RTN4RL2: variants seen among roughly 807,000 people sequenced by gnomAD.
RTN4RL2 encodes reticulon-4 receptor-like 2.
A neutral mutation model predicts 27.8 loss-of-function variants in RTN4RL2; 9 were observed. The ratio of observed to expected loss-of-function variants is 0.32; its 90% confidence interval spans 0.20 to 0.57. The LOEUF is 0.57. Ranked by LOEUF, RTN4RL2 falls within the 20% of genes least tolerant of loss-of-function variation. RTN4RL2 has a pLI of 0.90. For synonymous variants in RTN4RL2, 285 were observed against 297.9 expected (o/e 0.96, Z 0.45); for missense variants, 436 against 596.8 (o/e 0.73, Z 2.81).
In RTN4RL2 at chr11:57,460,830, C is replaced by A. The variant is rs751036102; in HGVS notation, c.-36C>A. Reference sequence around the variant, plus strand: ...CTCAGGGAGCGAGTGGGAGCGCCCTCCCCCCGCTGCCCCCTCCCCCGAGCA... The same window carrying A: ...CTCAGGGAGCGAGTGGGAGCGCCCTACCCCCGCTGCCCCCTCCCCCGAGCA... On this transcript the variant is annotated 5_prime_UTR_variant, in exon 1 of 3. Transcript: ENST00000335099. 1.5e-6 allele frequency: 2 copies of A among 1,345,692 alleles called. No individual in the cohort carries two copies. Among genetic ancestry groups the A allele is most frequent in the South Asian group, 3.1e-5 (2 of 64,442 alleles). The allele number at this position is 1,345,692 out of a possible 1,614,324, so 83.4% of individuals were successfully genotyped here.
At chr11:57,461,574 CG>C (rs1445475340) in intron 1 of RTN4RL2, among the ~76,000 whole-genome samples, 1 of 150,712 alleles carries the variant, frequency 6.6e-6, no homozygotes, top group Non-Finnish European at 1.5e-5. Flanking sequence ...ATGGGAAAAG[CG>C]TGGAGGGAAG....
At chr11:57,470,380 T>G (rs1565115764) in intron 2 of RTN4RL2, among the ~76,000 whole-genome samples, 1 of 152,104 alleles carries the variant, frequency 6.6e-6, no homozygotes, top group Non-Finnish European at 1.5e-5. Context: ...CCTGAGTAAC[T>G]AAGATTACAG....
At chr11:57,462,099 G>A (rs1355706539) in intron 1 of RTN4RL2, among the ~76,000 whole-genome samples, 1 of 152,014 alleles carries the variant, frequency 6.6e-6, no homozygotes, top group East Asian at 1.9e-4. Flanking sequence ...ACTTTGGAAG[G>A]GGAGTGACAG....
intron 2 of RTN4RL2, chr11:57,468,995 G>C (rs1444543800): frequency 2.3e-5 from 15 of 651,390 alleles, no homozygotes; most frequent in Non-Finnish European, 3.3e-5. Flanking sequence ...CTTGGCTACA[G>C]AGCCTCCGGC....
In RTN4RL2 at chr11:57,467,318, C is replaced by T. The variant is rs1392960179; in HGVS notation, c.32-291C>T. Among the ~76,000 whole-genome samples, 1 of 152,132 alleles carries T rather than the reference C, an allele frequency of 6.6e-6. No homozygotes were observed. The highest frequency in any genetic ancestry group is 1.5e-5 in the Non-Finnish European group (1 of 68,038). The stretch of plus-strand genomic sequence containing the variant: ...CTCAAACTCCTGGGTTCAAGCGATC[C>T]TCCTGCCTCAGCCTCCCAAGTAGTT... On this transcript the variant is annotated intron_variant, in intron 1 of 2. Coordinates refer to ENST00000335099, the MANE Select transcript of RTN4RL2 (RefSeq NM_178570.3). This position sits in a 1 kb window ranked among gnomAD's most constrained non-coding sequence, Gnocchi z 5.5.
rs577323495 is a variant in RTN4RL2, at chr11:57,477,047, G to A, written c.*136G>A. 1 of 901,082 alleles carries A rather than the reference G, an allele frequency of 1.1e-6. No individual in the cohort carries two copies. The highest frequency in any genetic ancestry group is 1.9e-5 in the South Asian group (1 of 53,210). The allele number at this position is 901,082 out of a possible 1,614,324, so 55.8% of individuals were successfully genotyped here. On this transcript the variant is annotated 3_prime_UTR_variant, in exon 3 of 3. Transcript: ENST00000335099. ...TCCCCTCCCAGCTCCTCTCCTCCCC[G>A]GGGAGCAGGCCGCCTCTCCTTGCCT...
intron 2 of RTN4RL2, among the ~76,000 whole-genome samples, chr11:57,470,969 C>G (rs535574834): frequency 6.6e-5 from 10 of 151,946 alleles, no homozygotes; most frequent in Middle Eastern, 3.4e-3. Context: ...GGTGTGGTGG[C>G]CCATGTCTGC....
chr11:57,477,193 A>G lies in RTN4RL2; in HGVS notation c.*282A>G, dbSNP rs552254283. The G allele has an allele frequency of 1.2e-4, 44 of 372,264 alleles. No homozygotes were observed. The highest frequency in any genetic ancestry group is 1.8e-4 in the Non-Finnish European group (38 of 208,534). 23.1% of individuals were successfully genotyped at this position (372,264 alleles called of 1,614,324 possible). A position where few individuals can be genotyped will look rare whatever the true frequency, so the allele number is the denominator to read the frequency against. ...TCCCAAGGCTGGGGTGGGGCCCCCC[A>G]GGCAGCCGCTGACCCGCACTCCTAA... is the stretch of plus-strand genomic sequence containing the variant. On this transcript the variant is annotated 3_prime_UTR_variant, in exon 3 of 3. Coordinates refer to ENST00000335099, the MANE Select transcript of RTN4RL2 (RefSeq NM_178570.3).
At chr11:57,475,119 T>G (rs1308850150) in intron 2 of RTN4RL2, among the ~76,000 whole-genome samples, 4 of 152,206 alleles carry the variant, frequency 2.6e-5, no homozygotes, top group African/African-American at 9.7e-5. Context: ...CACCATTTAT[T>G]GATGGTTGAC....
chr11:57,466,475 G>GA (rs1943525890), intron 1 of RTN4RL2, among the ~76,000 whole-genome samples: 1 of 151,918 alleles, frequency 6.6e-6, no homozygotes, highest in Non-Finnish European at 1.5e-5. Context: ...GTCTCCAAAA[G>GA]AAAAAAAGAA....
At chr11:57,468,683 C>G (rs1590732096) in intron 2 of RTN4RL2, 2 of 1,536,244 alleles carry the variant, frequency 1.3e-6, no homozygotes, top group South Asian at 1.2e-5. Context: ...GAAAGTTGCG[C>G]TTCTCTCCAA....
Position 57,476,598 on chromosome 11 carries a change from G to T in RTN4RL2, c.950G>T (p.Arg317Leu). The change falls in exon 3 of 3, where the codon CGG (arginine) becomes CTG (leucine). Residue 317 changes from arginine to leucine, a missense_variant. Coordinates refer to ENST00000335099, the MANE Select transcript of RTN4RL2 (RefSeq NM_178570.3). The surrounding 1 kb of genome is among the most constrained non-coding windows in gnomAD (Gnocchi z 8.2). ...GCGTGTCCGCCCGCGGCACCCACGC[G>T]GCCGGGCAGCCGCGCCCGCGGCAAC... is the stretch of plus-strand genomic sequence containing the variant. ...FQACPPAAPT[R>L]PGSRARGNSS... 1 of 1,401,288 alleles carries T rather than the reference G, an allele frequency of 7.1e-7. No individual in the cohort carries two copies. The highest frequency in any genetic ancestry group is 1.6e-5 in the South Asian group (1 of 63,372). The allele number at this position is 1,401,288 out of a possible 1,614,324, so 86.8% of individuals were successfully genotyped here.
At chr11:57,465,990 ATTTTTTTTTTTTTTT>A (rs35174184) in intron 1 of RTN4RL2, among the ~76,000 whole-genome samples, 3 of 77,900 alleles carry the variant, frequency 3.9e-5, no homozygotes, top group African/African-American at 5.6e-5. Flanking sequence ...CATGCCTACA[ATTTTTTTTTTTTTTT>A]TTTTTTTTTT....
chr11:57,476,191 G>A lies in RTN4RL2; in HGVS notation c.543G>A (p.Leu181=), dbSNP rs761802303. 4 of 1,609,790 alleles carry A rather than the reference G, an allele frequency of 2.5e-6. No homozygotes were observed. Among genetic ancestry groups the A allele is most frequent in the Admixed American group, 3.4e-5 (2 of 59,696 alleles). The stretch of plus-strand genomic sequence containing the variant: ...ACTTGTTCGCGGACCTGGCCAACCT[G>A]AGCCACCTCTTCCTCCACGGGAACC... The part of the protein sequence containing the change: ...QDDLFADLAN[L]SHLFLHGNRL... The change falls in exon 3 of 3, where the codon CTG becomes CTA. Residue 181 remains leucine, a synonymous_variant. Transcript: ENST00000335099. This position sits in a 1 kb window ranked among gnomAD's most constrained non-coding sequence, Gnocchi z 8.2.
chr11:57,477,022 T>G lies in RTN4RL2; in HGVS notation c.*111T>G. ...CTTCCCTGGCCTTGCTGCCTCCCTT[T>G]CCCCTCCCAGCTCCTCTCCTCCCCG... On this transcript the variant is annotated 3_prime_UTR_variant, in exon 3 of 3. Transcript: ENST00000335099. The G allele has an allele frequency of 8.9e-7, 1 of 1,119,638 alleles. No individual in the cohort carries two copies. The allele number at this position is 1,119,638 out of a possible 1,614,324, so 69.4% of individuals were successfully genotyped here.
At chr11:57,470,387 A>G (rs1280824781) in intron 2 of RTN4RL2, among the ~76,000 whole-genome samples, 1 of 152,068 alleles carries the variant, frequency 6.6e-6, no homozygotes, top group Admixed American at 6.6e-5. Flanking sequence ...AACTAAGATT[A>G]CAGGCATGTG....
chr11:57,461,630 C>A (rs565913628), intron 1 of RTN4RL2, among the ~76,000 whole-genome samples: 1 of 151,408 alleles, frequency 6.6e-6, no homozygotes, highest in Non-Finnish European at 1.5e-5. Context: ...AGAGGAAAGA[C>A]CAGATCAGGG....
intron 1 of RTN4RL2, among the ~76,000 whole-genome samples, chr11:57,465,722 A>G (rs2135117102): frequency 6.6e-6 from 1 of 151,950 alleles, no homozygotes; most frequent in Non-Finnish European, 1.5e-5. Flanking sequence ...GAGGCCCTGC[A>G]CCCCTATTAA....
Position 57,467,162 on chromosome 11 carries a change from C to T in RTN4RL2, c.32-447C>T, listed in dbSNP as rs1255579981. Among the ~76,000 whole-genome samples the T allele has an allele frequency of 1.3e-5, 2 of 152,186 alleles. No homozygotes were observed. Among genetic ancestry groups the T allele is most frequent in the African/African-American group, 4.8e-5 (2 of 41,440 alleles). ...GCCACTTGAGGCTATAACGTTGTCCCCTGAGCCCCCAGACATGGGAGCACC... is the reference window on the plus strand; with the variant it reads ...GCCACTTGAGGCTATAACGTTGTCCTCTGAGCCCCCAGACATGGGAGCACC... On this transcript the variant is annotated intron_variant, in intron 1 of 2. Transcript: ENST00000335099. The surrounding 1 kb of genome is among the most constrained non-coding windows in gnomAD (Gnocchi z 5.5).
Sources: allele counts gnomAD v4.1 joint callset (sites outside exome capture counted in the v4.1 genomes callset), GRCh38; gene constraint gnomAD v4.1.1; non-coding constraint Gnocchi (gnomAD v3.1); transcripts MANE v1.5; gene names NCBI Gene and HGNC (gene_info 2026-07-23, HGNC 2026-07-21).